Variants in IQSEC3 observed in about 807,000 individuals in gnomAD.
IQSEC3 encodes the protein IQ motif and SEC7 domain-containing protein 3.
IQSEC3 carries 50 observed loss-of-function variants against 105.4 expected under a neutral mutation model. The ratio of observed to expected loss-of-function variants is 0.47; its 90% CI spans 0.38 to 0.60. IQSEC3 has a LOEUF of 0.60. IQSEC3 is among the 20% of genes least tolerant of loss of function. IQSEC3 has a pLI of 0.00. For synonymous variants in IQSEC3, 708 were observed against 746.0 expected, an observed-to-expected ratio of 0.95 and a Z score of 0.83; for missense variants, 1,415 against 1,630.0, an observed-to-expected ratio of 0.87 and a Z score of 2.27.
chr12:71,825 C>T lies in IQSEC3; in HGVS notation c.554+4389C>T, dbSNP rs537122067. Among the ~76,000 whole-genome samples, 67 of 152,384 alleles carry T rather than the reference C, an allele frequency of 4.4e-4. 1 individual carries two copies. The highest frequency in any genetic ancestry group is 1.6e-3 in the African/African-American group (66 of 41,576). ...TCATCAATCTGCCTATCCTCTTGTT[C>T]TTCCCCTATCCCCAGCAGGGAGAGA... On this transcript the variant is annotated intron_variant, in intron 1 of 13. Transcript: ENST00000538872.
chr12:132,828 T>C (rs190862579), intron 3 of IQSEC3, among the ~76,000 whole-genome samples: 3 of 152,302 alleles, frequency 2.0e-5, no homozygotes, highest in East Asian at 3.9e-4. Flanking sequence ...GTATGGAGGC[T>C]TGAGAGTCAT....
chr12:142,117 C>T (rs1591713497), intron 5 of IQSEC3: 1 of 152,264 alleles, frequency 6.6e-6, no homozygotes. Context: ...TCTTCAGGGA[C>T]CCTCCCTCAT....
At chr12:93,051 G>T (rs907794058) in intron 1 of IQSEC3, among the ~76,000 whole-genome samples, 8 of 152,198 alleles carry the variant, frequency 5.3e-5, no homozygotes, top group African/African-American at 1.9e-4. Context: ...AATGTGCCTT[G>T]CCATTCGCTG....
intron 2 of IQSEC3, among the ~76,000 whole-genome samples, chr12:107,675 G>T (rs1049298048): frequency 3.3e-5 from 5 of 152,118 alleles, no homozygotes; most frequent in Non-Finnish European, 1.5e-5. Flanking sequence ...CTCCCAAAGT[G>T]CTGGGATTAC....
At chr12:158,374 C>T (rs1484247733) in intron 7 of IQSEC3, among the ~76,000 whole-genome samples, 2 of 152,174 alleles carry the variant, frequency 1.3e-5, no homozygotes, top group African/African-American at 2.4e-5. Context: ...GCTTCTGCTT[C>T]GCTTTTTTCT....
At chr12:73,963 C>T (rs150064729) in intron 1 of IQSEC3, among the ~76,000 whole-genome samples, 2 of 152,404 alleles carry the variant, frequency 1.3e-5, no homozygotes, top group East Asian at 3.9e-4. Context: ...ACTAAAACCT[C>T]TTCTGTTGAA....
chr12:165,972 A>G, intron 11 of IQSEC3, 82 bp downstream of exon 11: 1 of 1,502,414 alleles, frequency 6.7e-7, no homozygotes, highest in Non-Finnish European at 9.0e-7. Flanking sequence ...GACATGCCTG[A>G]CTCCAGGGAG....
chr12:95,790 ATAGACTGC>A, intron 1 of IQSEC3, among the ~76,000 whole-genome samples: 1 of 152,322 alleles, frequency 6.6e-6, no homozygotes, highest in Middle Eastern at 3.4e-3. Flanking sequence ...AGACTGAGAG[ATAGACTGC>A]TAACTAGTTC....
At chr12:171,878 C>T (rs1047123450) in intron 13 of IQSEC3, among the ~76,000 whole-genome samples, 2 of 152,098 alleles carry the variant, frequency 1.3e-5, no homozygotes, top group African/African-American at 2.4e-5. Flanking sequence ...GGCTCCATGC[C>T]ATACAGTGAG....
chr12:97,326 G>C (rs1287430266), intron 1 of IQSEC3, among the ~76,000 whole-genome samples: 1 of 151,830 alleles, frequency 6.6e-6, no homozygotes, highest in Non-Finnish European at 1.5e-5. Context: ...TAGGGTATTT[G>C]TTTTCATACA....
At chr12:105,191 AG>A (rs1313245044) in intron 2 of IQSEC3, among the ~76,000 whole-genome samples, 9 of 152,252 alleles carry the variant, frequency 5.9e-5, no homozygotes, top group African/African-American at 2.2e-4. Context: ...CGATGGCGGC[AG>A]GGGAGGTTAA....
chr12:130,161 G>A (rs1555084554), intron 3 of IQSEC3, among the ~76,000 whole-genome samples: 2 of 152,202 alleles, frequency 1.3e-5, no homozygotes, highest in Non-Finnish European at 2.9e-5. Flanking sequence ...GCCTGGAGAT[G>A]CTATGATGCA....
At chr12:99,917 C>A (rs1024035018) in intron 2 of IQSEC3, among the ~76,000 whole-genome samples, 1 of 152,154 alleles carries the variant, frequency 6.6e-6, no homozygotes, top group East Asian at 1.9e-4. Context: ...CTCTTCTGTG[C>A]CCACGTCGTG....
intron 2 of IQSEC3, 53 bp downstream of exon 2, chr12:99,267 C>A (rs1260056983): frequency 5.3e-6 from 8 of 1,515,838 alleles, no homozygotes; most frequent in African/African-American, 2.7e-5. Context: ...CTTCCTGTTA[C>A]AACAAAGCAC....
rs1555097091 is a variant in IQSEC3, at chr12:163,511, C to T, written c.2601C>T (p.His867=). 1 of 1,609,924 alleles carries T rather than the reference C, an allele frequency of 6.2e-7. No homozygotes were observed. Among genetic ancestry groups the T allele is most frequent in the Non-Finnish European group, 8.5e-7 (1 of 1,178,396 alleles). The change falls in exon 9 of 14, where the codon CAC becomes CAT. Residue 867 remains histidine (H), a synonymous_variant. Coordinates refer to ENST00000538872, the MANE Select transcript of IQSEC3 (RefSeq NM_001170738.2). ...VGMKTVLSVP[H]RRLVCCSRLF... ...GCGTGCAGGTGCTGTCCGTGCCCCACCGCCGCCTGGTGTGCTGCAGCCGGC... is the reference window on the plus strand; with the variant it reads ...GCGTGCAGGTGCTGTCCGTGCCCCATCGCCGCCTGGTGTGCTGCAGCCGGC...
chr12:142,749 A>G (rs1383677511), intron 5 of IQSEC3: 4 of 152,152 alleles, frequency 2.6e-5, no homozygotes, highest in African/African-American at 7.2e-5. Context: ...TGGAGGTGCT[A>G]CTGGGATCCA....
chr12:171,204 C>A, intron 13 of IQSEC3, 43 bp downstream of exon 13: 2 of 1,613,818 alleles, frequency 1.2e-6, no homozygotes, highest in Non-Finnish European at 1.7e-6. Context: ...CTACCCTGCC[C>A]CCTTGTTCTT....
intron 4 of IQSEC3, 102 bp from the exon 5 acceptor site, chr12:141,022 T>A: frequency 8.1e-7 from 1 of 1,232,292 alleles, no homozygotes; most frequent in Non-Finnish European, 1.1e-6. Flanking sequence ...GAACTGGATT[T>A]CCAAGAACCT....
chr12:140,951 A>G, intron 4 of IQSEC3, 173 bp from the exon 5 acceptor site: 1 of 617,922 alleles, frequency 1.6e-6, no homozygotes, highest in Non-Finnish European at 2.8e-6. Context: ...CTGGTCACAC[A>G]CCATCCTCTG....
Sources: allele counts gnomAD v4.1 joint callset (sites outside exome capture counted in the v4.1 genomes callset), GRCh38; gene constraint gnomAD v4.1.1; transcripts MANE v1.5; gene names NCBI Gene and HGNC (gene_info 2026-07-23, HGNC 2026-07-21).